GPR176: variants seen among roughly 807,000 people sequenced by gnomAD.
GPR176 encodes G-protein coupled receptor 176.
A neutral mutation model predicts 35.4 loss-of-function variants in GPR176; 26 were observed. The ratio of observed to expected loss-of-function variants is 0.74; its 90% CI spans 0.54 to 1.02. GPR176 has a LOEUF of 1.02. Among genes scored for constraint, GPR176 ranks in the 50% least tolerant of loss-of-function variants. GPR176 has a pLI of 0.00. For synonymous variants in GPR176, 278 were observed against 271.3 expected (o/e 1.02, Z -0.24); for missense variants, 597 against 665.3 (o/e 0.90, Z 1.13).
intron 1 of GPR176, among the ~76,000 whole-genome samples, chr15:39,870,967 AG>A: frequency 6.6e-6 from 1 of 152,212 alleles, no homozygotes; most frequent in Non-Finnish European, 1.5e-5. Context: ...ATAAGATTGC[AG>A]CCCCCACTGA....
At chr15:39,864,249 CTTTT>C (rs1255429829) in intron 1 of GPR176, among the ~76,000 whole-genome samples, 1 of 152,082 alleles carries the variant, frequency 6.6e-6, no homozygotes, top group Non-Finnish European at 1.5e-5. Context: ...TTCACCTATT[CTTTT>C]TTTAAGGTTG....
At chr15:39,855,864 C>A (rs542361395) in intron 1 of GPR176, among the ~76,000 whole-genome samples, 26 of 152,324 alleles carry the variant, frequency 1.7e-4, no homozygotes, top group African/African-American at 6.3e-4. Context: ...AGCAATAACA[C>A]AGTAACACTT....
chr15:39,882,722 G>A (rs1279331126), intron 1 of GPR176, among the ~76,000 whole-genome samples: 3 of 152,212 alleles, frequency 2.0e-5, no homozygotes, highest in African/African-American at 7.2e-5. Context: ...ATAGTTTCAA[G>A]TGTGAATATA....
chr15:39,866,285 C>A lies in GPR176; in HGVS notation c.172+53570G>T, dbSNP rs537222385. On this transcript the variant is annotated intron_variant, in intron 1 of 2. Coordinates refer to ENST00000561100, the MANE Select transcript of GPR176 (RefSeq NM_007223.3). ...GGACAGGCTGGACTTTTCTAATTAT[C>A]CCTCTCGATATACTTCTCCATTTTG... 1.2e-3 allele frequency among the ~76,000 whole-genome samples: 180 copies of A among 152,158 alleles called. 1 individual carries two copies. Among genetic ancestry groups the A allele is most frequent in the African/African-American group, 4.2e-3 (175 of 41,536 alleles).
At chr15:39,835,029 T>A (rs560469117) in intron 1 of GPR176, among the ~76,000 whole-genome samples, 3 of 152,110 alleles carry the variant, frequency 2.0e-5, no homozygotes, top group Non-Finnish European at 2.9e-5. Flanking sequence ...TCTTTTTTTT[T>A]ATTTTGAGAC....
At chr15:39,807,550 C>A (rs1359194522) in intron 1 of GPR176, 1 of 1,522,184 alleles carries the variant, frequency 6.6e-7, no homozygotes, top group African/African-American at 1.4e-5. Context: ...AGTGTATAAA[C>A]AATTTGCTAG....
At chr15:39,824,115 A>G (rs1900466911) in intron 1 of GPR176, among the ~76,000 whole-genome samples, 1 of 152,162 alleles carries the variant, frequency 6.6e-6, no homozygotes, top group Admixed American at 6.5e-5. Flanking sequence ...TGTTTAAAAG[A>G]GCCTGGCACT....
At chr15:39,884,289 T>C (rs2032589011) in intron 1 of GPR176, among the ~76,000 whole-genome samples, 1 of 152,344 alleles carries the variant, frequency 6.6e-6, no homozygotes, top group African/African-American at 2.4e-5. Flanking sequence ...TTTCTGCATA[T>C]TGTAATTTCC....
intron 1 of GPR176, among the ~76,000 whole-genome samples, chr15:39,812,326 G>A (rs1469627921): frequency 6.6e-6 from 1 of 152,200 alleles, no homozygotes; most frequent in Non-Finnish European, 1.5e-5. Flanking sequence ...TCAGCTGCCA[G>A]CACGGCAAGA....
chr15:39,849,017 A>C (rs1410065124), intron 1 of GPR176, among the ~76,000 whole-genome samples: 1 of 152,018 alleles, frequency 6.6e-6, no homozygotes, highest in Non-Finnish European at 1.5e-5. Flanking sequence ...ATAGATAAAA[A>C]TCAGTGAAAT....
At chr15:39,846,692 G>A (rs775031322) in intron 1 of GPR176, among the ~76,000 whole-genome samples, 6 of 152,078 alleles carry the variant, frequency 3.9e-5, no homozygotes, top group East Asian at 3.8e-4. Context: ...CATTTTTCAC[G>A]TGCTGAAAGA....
intron 1 of GPR176, chr15:39,807,768 G>A: frequency 2.0e-6 from 1 of 512,460 alleles, no homozygotes; most frequent in Non-Finnish European, 3.4e-6. Flanking sequence ...AACATGTAAT[G>A]ATTACTTTAA....
intron 1 of GPR176, among the ~76,000 whole-genome samples, chr15:39,877,490 C>T (rs1450665902): frequency 3.3e-5 from 5 of 151,748 alleles, no homozygotes; most frequent in African/African-American, 1.2e-4. Context: ...TGAACTAGGT[C>T]GCAGATGCAT....
At chr15:39,818,547 T>C (rs1308147921) in intron 1 of GPR176, among the ~76,000 whole-genome samples, 1 of 152,206 alleles carries the variant, frequency 6.6e-6, no homozygotes, top group Non-Finnish European at 1.5e-5. Flanking sequence ...ACTCCAACAA[T>C]AGCTTCATCC....
At chr15:39,867,547 G>T (rs897953029) in intron 1 of GPR176, among the ~76,000 whole-genome samples, 1 of 151,606 alleles carries the variant, frequency 6.6e-6, no homozygotes, top group Admixed American at 6.6e-5. Context: ...TGAACCTCAC[G>T]CTGGAGGCTA....
chr15:39,914,039 C>T (rs939079959), intron 1 of GPR176, among the ~76,000 whole-genome samples: 5 of 152,052 alleles, frequency 3.3e-5, no homozygotes, highest in South Asian at 2.1e-4. Flanking sequence ...GAGTGAGACT[C>T]AGTCTCAAAA....
At chr15:39,841,621 C>G (rs916986112) in intron 1 of GPR176, among the ~76,000 whole-genome samples, 4 of 152,060 alleles carry the variant, frequency 2.6e-5, no homozygotes, top group African/African-American at 9.7e-5. Context: ...GAGGAATGGG[C>G]AAGGAAGGGT....
At chr15:39,843,430 T>C (rs569585935) in intron 1 of GPR176, among the ~76,000 whole-genome samples, 1 of 152,166 alleles carries the variant, frequency 6.6e-6, no homozygotes, top group Admixed American at 6.5e-5. Context: ...ACAATGAAAA[T>C]TGCTATCGAC....
rs759203520 is a variant in GPR176, at chr15:39,802,265, C to A, written c.426-11G>T. The A allele has an allele frequency of 6.4e-6, 10 of 1,552,374 alleles. No homozygotes were observed. The highest frequency in any genetic ancestry group is 7.0e-6 in the Non-Finnish European group (8 of 1,147,210). ...AGGACTGAGTAGTACCTGCAAGATA[C>A]ACAAACAAAATTAATTCCACAGAAG... On this transcript the variant is annotated splice_polypyrimidine_tract_variant and intron_variant, in intron 2 of 2. Coordinates refer to ENST00000561100, the MANE Select transcript of GPR176 (RefSeq NM_007223.3).
Sources: allele counts gnomAD v4.1 joint callset (sites outside exome capture counted in the v4.1 genomes callset), GRCh38; gene constraint gnomAD v4.1.1; transcripts MANE v1.5; gene names NCBI Gene and HGNC (gene_info 2026-07-23, HGNC 2026-07-21).